Variants in GPR161 observed in about 807,000 individuals in gnomAD.
GPR161 encodes the protein G protein-coupled receptor 161, also known as G-protein coupled receptor RE2.
In GPR161, 25 loss-of-function variants were observed where a neutral mutation model predicts 39.2. The observed-to-expected ratio is 0.64, with a 90% confidence interval of 0.47 to 0.89. The LOEUF (loss-of-function observed/expected upper bound fraction) is 0.89, where lower values mean the gene tolerates loss of function less well. GPR161 is among the 40% of genes least tolerant of loss of function. GPR161 has a pLI of 0.00. For synonymous variants in GPR161, 286 were observed against 276.6 expected (o/e 1.03, Z -0.34); for missense variants, 547 against 677.8 (o/e 0.81, Z 2.14).
Position 168,085,757 on chromosome 1 carries a change from A to T in GPR161, c.1364T>A (p.Val455Glu). The T allele has an allele frequency of 6.2e-7, 1 of 1,613,830 alleles. No homozygotes were observed. The highest frequency in any genetic ancestry group is 8.5e-7 in the Non-Finnish European group (1 of 1,179,708). The change falls in exon 6 of 6, where the codon GTA becomes GAA. Residue 455 changes from valine to glutamate, a missense_variant. Physicochemically the swap from Val to Glu is moderately radical, Grantham distance 121 (BLOSUM62 -2). Coordinates refer to ENST00000682931, the MANE Select transcript of GPR161 (RefSeq NM_001375883.1). Reference sequence around the variant, plus strand: ...TGCGTAACTGTCCAAGGACTTGTGTACTTCAGCTTTCACATGAAGAATCGA... The same window carrying T: ...TGCGTAACTGTCCAAGGACTTGTGTTCTTCAGCTTTCACATGAAGAATCGA... ...KNSILHVKAE[V>E]HKSLDSYAAS... is the part of the protein sequence containing the mutation.
rs952424909 is a variant in GPR161 at position 168,096,579 on chromosome 1, C to T, written c.1028G>A (p.Arg343Gln). 11 of 1,614,112 alleles carry T rather than the reference C, an allele frequency of 6.8e-6. No homozygotes were observed. Among genetic ancestry groups the T allele is most frequent in the Admixed American group, 1.7e-5 (1 of 60,022 alleles). ...KELLGMCFGD[R>Q]YYREPFVQRQ... Reference sequence around the variant, plus strand: ...TTGCACAAATGGTTCCCGATAATACCGGTCCCCAAAGCACATGCCCAGTAG... The same window carrying T: ...TTGCACAAATGGTTCCCGATAATACTGGTCCCCAAAGCACATGCCCAGTAG... The change falls in exon 3 of 6, where the codon CGG becomes CAG. Residue 343 changes from arginine (R) to glutamine (Q), a missense_variant. Arg to Gln is a conservative substitution (Grantham distance 43). Coordinates refer to ENST00000682931, the MANE Select transcript of GPR161 (RefSeq NM_001375883.1).
chr1:168,112,433 T>C (rs1697260328), intron 1 of GPR161, among the ~76,000 whole-genome samples: 1 of 119,840 alleles, frequency 8.3e-6, no homozygotes, highest in African/African-American at 3.3e-5. Context: ...TGAGCCGAGA[T>C]CGCGCCACTA....
intron 4 of GPR161, chr1:168,088,159 T>G (rs941268012): frequency 1.3e-5 from 2 of 153,486 alleles, no homozygotes; most frequent in African/African-American, 2.4e-5. Context: ...AAATGTAGAG[T>G]TCTTTGGGGA....
intron 2 of GPR161, among the ~76,000 whole-genome samples, chr1:168,103,939 C>T (rs551132400): frequency 6.6e-6 from 1 of 152,364 alleles, no homozygotes; most frequent in South Asian, 2.1e-4. Context: ...CGTGCATCAG[C>T]TACGTTGAGG....
At chr1:168,110,972 C>T (rs1013140663) in intron 1 of GPR161, among the ~76,000 whole-genome samples, 2 of 149,294 alleles carry the variant, frequency 1.3e-5, no homozygotes, top group Non-Finnish European at 3.0e-5. Context: ...GAAAGACAAA[C>T]GAATGGGTAT....
intron 1 of GPR161, among the ~76,000 whole-genome samples, chr1:168,114,867 C>G (rs1042565193): frequency 1.3e-5 from 2 of 152,094 alleles, no homozygotes; most frequent in Non-Finnish European, 2.9e-5. Flanking sequence ...AATTTTTAGG[C>G]CATGTGATTT....
At chr1:168,130,442 T>C (rs1322337468) in intron 1 of GPR161, among the ~76,000 whole-genome samples, 1 of 152,142 alleles carries the variant, frequency 6.6e-6, no homozygotes, top group Non-Finnish European at 1.5e-5. Flanking sequence ...CACAGAACCT[T>C]AGCATGAAGA....
chr1:168,098,424 T>C lies in GPR161; in HGVS notation c.375-1192A>G, dbSNP rs1451437714. Among the ~76,000 whole-genome samples the C allele has an allele frequency of 6.6e-6, 1 of 152,218 alleles. No individual in the cohort carries two copies. Among genetic ancestry groups the C allele is most frequent in the African/African-American group, 2.4e-5 (1 of 41,454 alleles). ...CCACCCTCCCAACCCCGACATTTTATCCAAGGGAAATAGGATGTTCCCATG... is the reference window on the plus strand; with the variant it reads ...CCACCCTCCCAACCCCGACATTTTACCCAAGGGAAATAGGATGTTCCCATG... On this transcript the variant is annotated intron_variant, in intron 2 of 5. Transcript: ENST00000682931. The surrounding 1 kb of genome is among the most constrained non-coding windows in gnomAD (Gnocchi z 4.1).
At chr1:168,124,546 T>G (rs1303792974) in intron 1 of GPR161, among the ~76,000 whole-genome samples, 1 of 152,172 alleles carries the variant, frequency 6.6e-6, no homozygotes, top group African/African-American at 2.4e-5. Context: ...AATGGAAGCA[T>G]TTTCTTTTGG....
rs369775869 is a variant in GPR161 at position 168,093,437 on chromosome 1, T to G, written c.1100-2769A>C. 6.3e-4 allele frequency among the ~76,000 whole-genome samples: 96 copies of G among 152,342 alleles called. 1 individual carries two copies. The South Asian group carries it at 0.018, about 29-fold the overall frequency. On this transcript the variant is annotated intron_variant, in intron 3 of 5. Transcript: ENST00000682931. Reference sequence around the variant, plus strand: ...ACACACTGTCAACTGCCCAGGAGACTCCTGACATCCAAGTCAGCTGGGAAG... The same window carrying G: ...ACACACTGTCAACTGCCCAGGAGACGCCTGACATCCAAGTCAGCTGGGAAG...
intron 1 of GPR161, among the ~76,000 whole-genome samples, chr1:168,120,632 C>T (rs1477970701): frequency 6.6e-6 from 1 of 152,116 alleles, no homozygotes; most frequent in African/African-American, 2.4e-5. Context: ...AATCTCATCT[C>T]GAATCATAAT....
At chr1:168,133,851 TA>T in intron 1 of GPR161, 1 of 784,136 alleles carries the variant, frequency 1.3e-6, no homozygotes, top group Non-Finnish European at 1.5e-6. Flanking sequence ...ATGTTTTATA[TA>T]ATAGCAATAA....
chr1:168,085,333 T>C lies in GPR161; in HGVS notation c.*198A>G. On this transcript the variant is annotated 3_prime_UTR_variant, in exon 6 of 6. Coordinates refer to ENST00000682931, the MANE Select transcript of GPR161 (RefSeq NM_001375883.1). Reference sequence around the variant, plus strand: ...ACCTAAAAGAAGCTCACATGTGGTCTCTGGAAATGCTGAAGCTGTGGACTG... The same window carrying C: ...ACCTAAAAGAAGCTCACATGTGGTCCCTGGAAATGCTGAAGCTGTGGACTG... 1.7e-6 allele frequency: 1 copy of C among 601,034 alleles called. No individual in the cohort carries two copies. Among genetic ancestry groups the C allele is most frequent in the South Asian group, 2.0e-5 (1 of 49,462 alleles). 37.2% of individuals were successfully genotyped at this position (601,034 alleles called of 1,614,324 possible).
At chr1:168,102,095 G>A (rs1176627820) in intron 2 of GPR161, among the ~76,000 whole-genome samples, 3 of 152,108 alleles carry the variant, frequency 2.0e-5, no homozygotes, top group African/African-American at 7.2e-5. Context: ...GAGCCACCAC[G>A]CTCGGCCTCA....
chr1:168,089,991 G>A (rs976247588), intron 4 of GPR161, among the ~76,000 whole-genome samples: 3 of 152,206 alleles, frequency 2.0e-5, no homozygotes, highest in Non-Finnish European at 4.4e-5. Context: ...CAAAGGACAT[G>A]GAGTGAGGAG....
At position 168,097,229 on chromosome 1, in the gene GPR161, G is replaced by A; in HGVS notation, c.378C>T (p.Tyr126=). 1 of 1,605,176 alleles carries A rather than the reference G, an allele frequency of 6.2e-7. No individual in the cohort carries two copies. Among genetic ancestry groups the A allele is most frequent in the Non-Finnish European group, 8.5e-7 (1 of 1,173,634 alleles). The change falls in exon 3 of 6, where the codon TAC becomes TAT. Residue 126 remains tyrosine (Y), a synonymous_variant. Coordinates refer to ENST00000682931, the MANE Select transcript of GPR161 (RefSeq NM_001375883.1). ...LTLGVIAIDR[Y]YAVLYPMVYP... is the part of the protein sequence containing the mutation. The stretch of plus-strand genomic sequence containing the variant: ...ACACCATGGGGTACAGGACAGCATA[G>A]TAGCTAGAAAAGGGATGGAGGGAGG...
intron 1 of GPR161, among the ~76,000 whole-genome samples, chr1:168,117,211 C>T (rs1244781835): frequency 2.6e-5 from 4 of 152,164 alleles, no homozygotes; most frequent in African/African-American, 4.8e-5. Context: ...TAATCCATTC[C>T]GTTCTTCCTA....
At chr1:168,115,837 G>A (rs1201199783) in intron 1 of GPR161, among the ~76,000 whole-genome samples, 1 of 151,382 alleles carries the variant, frequency 6.6e-6, no homozygotes, top group Non-Finnish European at 1.5e-5. Context: ...GTGCAGTGGC[G>A]CGATCTCGGC....
chr1:168,123,533 TACATACACACACACACAC>T (rs1415825269), intron 1 of GPR161, among the ~76,000 whole-genome samples: 12 of 97,652 alleles, frequency 1.2e-4, no homozygotes, highest in African/African-American at 5.6e-4. Flanking sequence ...GATATGCACA[TACATACACACACACACAC>T]ACACACACAC....
Sources: gnomAD v4.1 joint callset for allele counts (sites outside exome capture counted in the v4.1 genomes callset) on GRCh38, gnomAD v4.1.1 for gene constraint, Gnocchi (gnomAD v3.1) non-coding constraint, MANE v1.5 for transcripts, NCBI Gene and HGNC (gene_info 2026-07-23, HGNC 2026-07-21) for gene names.